MLPH: variants seen among roughly 807,000 people sequenced by gnomAD.
MLPH encodes the protein melanophilin.
In MLPH, 51 loss-of-function variants were observed where a neutral mutation model predicts 72.1. The observed-to-expected ratio is 0.71, with a 90% CI of 0.56 to 0.89. MLPH has a LOEUF of 0.89. Among genes scored for constraint, MLPH ranks in the 40% least tolerant of loss-of-function variants. The pLI, the probability that MLPH is intolerant of heterozygous loss-of-function variation, is 0.00. For missense variants in MLPH, 743 were observed against 759.9 expected, an observed-to-expected ratio of 0.98 and a Z score of 0.26; for synonymous variants, 301 against 310.1, an observed-to-expected ratio of 0.97 and a Z score of 0.31.
At chr2:237,530,252 C>A (rs1235375012) in intron 8 of MLPH, among the ~76,000 whole-genome samples, 1 of 152,212 alleles carries the variant, frequency 6.6e-6, no homozygotes, top group Non-Finnish European at 1.5e-5. Context: ...TTTTCCGAGC[C>A]CTCATTCAGC....
At chr2:237,516,458 T>C (rs981048026) in intron 4 of MLPH, among the ~76,000 whole-genome samples, 8 of 152,344 alleles carry the variant, frequency 5.3e-5, no homozygotes, top group African/African-American at 1.9e-4. Context: ...TCAGGCCTGC[T>C]GACCAGCAAA....
At chr2:237,509,583 G>A (rs1559343620) in intron 2 of MLPH, among the ~76,000 whole-genome samples, 1 of 152,222 alleles carries the variant, frequency 6.6e-6, no homozygotes, top group Non-Finnish European at 1.5e-5. Flanking sequence ...CTAAACTGTA[G>A]TCTGTGGATG....
At chr2:237,522,395 T>A (rs2080206098) in intron 6 of MLPH, among the ~76,000 whole-genome samples, 1 of 111,966 alleles carries the variant, frequency 8.9e-6, no homozygotes, top group Non-Finnish European at 1.8e-5. Flanking sequence ...TTCAAACACC[T>A]GCTACAACTA....
intron 2 of MLPH, among the ~76,000 whole-genome samples, chr2:237,507,900 T>C (rs1363952114): frequency 6.6e-6 from 1 of 152,172 alleles, no homozygotes; most frequent in African/African-American, 2.4e-5. Flanking sequence ...AAGAAAAGTT[T>C]CTAGCTCAGG....
At chr2:237,509,802 G>T (rs1301002431) in intron 2 of MLPH, among the ~76,000 whole-genome samples, 1 of 152,138 alleles carries the variant, frequency 6.6e-6, no homozygotes, top group Non-Finnish European at 1.5e-5. Context: ...CACCTTTGCT[G>T]CACTCTGGGT....
At chr2:237,545,197 G>A (rs1362577758) in intron 12 of MLPH, among the ~76,000 whole-genome samples, 1 of 68,486 alleles carries the variant, frequency 1.5e-5, no homozygotes, top group African/African-American at 7.6e-5. Flanking sequence ...GCACAGTGGT[G>A]AGTGGGGACA....
In MLPH at chr2:237,540,404, G is replaced by A; in HGVS notation, c.1161G>A (p.Arg387=). The change falls in exon 10 of 16, where the codon AGG becomes AGA. Residue 387 remains arginine, a synonymous_variant. Coordinates refer to ENST00000264605, the MANE Select transcript of MLPH (RefSeq NM_024101.7). ...ATGTAGAGGAGGAGGCCCTGAGGAG[G>A]AAGCTGGAGGAGCTGACCAGCAACG... ...EADVEEEALR[R]KLEELTSNVS... 1.9e-6 allele frequency: 3 copies of A among 1,613,630 alleles called. No homozygotes were observed. Among genetic ancestry groups the A allele is most frequent in the Non-Finnish European group, 2.5e-6 (3 of 1,179,910 alleles).
chr2:237,503,152 A>T lies in MLPH; in HGVS notation c.111-7422A>T, dbSNP rs2079687556. ...ATACATAAATAAATAATAAAAATCCATTTTTTTGATCATAAGGAATTTGAA... is the reference window on the plus strand; with the variant it reads ...ATACATAAATAAATAATAAAAATCCTTTTTTTTGATCATAAGGAATTTGAA... On this transcript the variant is annotated intron_variant, in intron 2 of 15. Transcript: ENST00000264605. Among the ~76,000 whole-genome samples the T allele has an allele frequency of 2.0e-5, 3 of 152,028 alleles. No individual in the cohort carries two copies. The South Asian group carries it at 6.2e-4, about 32-fold the overall frequency.
intron 2 of MLPH, among the ~76,000 whole-genome samples, chr2:237,494,180 AG>A (rs113171314): frequency 6.6e-6 from 1 of 151,726 alleles, no homozygotes; most frequent in African/African-American, 2.4e-5. Context: ...CTCCCGGCGA[AG>A]GGGGGGGCAG....
intron 2 of MLPH, among the ~76,000 whole-genome samples, chr2:237,497,030 G>A (rs774814283): frequency 3.3e-5 from 5 of 152,150 alleles, no homozygotes; most frequent in African/African-American, 4.8e-5. Flanking sequence ...GGGGGAGGAG[G>A]CTGGGGGCAG....
At chr2:237,546,782 A>C in intron 13 of MLPH, 99 bp downstream of exon 13, 1 of 968,406 alleles carries the variant, frequency 1.0e-6, no homozygotes, top group South Asian at 1.3e-5. Flanking sequence ...CAGAGATGCA[A>C]TGTCCTCACA....
At chr2:237,551,287 A>G (rs1203432248) in intron 14 of MLPH, among the ~76,000 whole-genome samples, 1 of 152,274 alleles carries the variant, frequency 6.6e-6, no homozygotes, top group Non-Finnish European at 1.5e-5. Flanking sequence ...ATGACCCTGC[A>G]GAGAGGGGAA....
chr2:237,497,567 G>A (rs2079560469), intron 2 of MLPH, among the ~76,000 whole-genome samples: 1 of 152,216 alleles, frequency 6.6e-6, no homozygotes, highest in Non-Finnish European at 1.5e-5. Flanking sequence ...CTCAAACCAG[G>A]TGGTGTGGAC....
At chr2:237,547,274 G>A (rs1158948468) in intron 13 of MLPH, among the ~76,000 whole-genome samples, 1 of 152,280 alleles carries the variant, frequency 6.6e-6, no homozygotes, top group African/African-American at 2.4e-5. Context: ...CGGGGGGTGT[G>A]AGCGGGACCC....
chr2:237,489,519 C>T (rs2079386188), intron 1 of MLPH, among the ~76,000 whole-genome samples: 1 of 152,142 alleles, frequency 6.6e-6, no homozygotes, highest in Non-Finnish European at 1.5e-5. Flanking sequence ...ATAGAAATAA[C>T]CATACAGGCT....
intron 8 of MLPH, among the ~76,000 whole-genome samples, chr2:237,530,530 G>A (rs76903865): frequency 0.024 from 3,671 of 152,264 alleles, 56 homozygotes; most frequent in Middle Eastern, 0.044. Flanking sequence ...GTCCTCAGCT[G>A]ACTTTTTACT....
chr2:237,554,204 T>G lies in MLPH; in HGVS notation c.*612T>G, dbSNP rs1353068217. ...ATCTGTAGACCAGGGGAAATTACAC[T>G]GCGGTCAAGGGCAGAGCCTGCACAT... is the stretch of plus-strand genomic sequence containing the variant. On this transcript the variant is annotated 3_prime_UTR_variant, in exon 16 of 16. Transcript: ENST00000264605. 9.7e-6 allele frequency: 2 copies of G among 206,854 alleles called. No individual in the cohort carries two copies. Among genetic ancestry groups the G allele is most frequent in the Admixed American group, 1.0e-4 (2 of 19,240 alleles). 12.8% of individuals were successfully genotyped at this position (206,854 alleles called of 1,614,324 possible).
rs1454682881 is a variant in MLPH, at chr2:237,540,418, T to C, written c.1175T>C (p.Leu392Pro). The part of the protein sequence containing the change: ...EEALRRKLEE[L>P]TSNVSDQETS... ...GCCCTGAGGAGGAAGCTGGAGGAGC[T>C]GACCAGCAACGTCAGTGACCAGGAG... is the stretch of plus-strand genomic sequence containing the variant. Residue 392 changes from leucine (L) to proline (P), a missense_variant, in exon 10 of 16, where the codon CTG becomes CCG. Coordinates refer to ENST00000264605, the MANE Select transcript of MLPH (RefSeq NM_024101.7). 15 of 1,613,354 alleles carry C rather than the reference T, an allele frequency of 9.3e-6. No individual in the cohort carries two copies. The highest frequency in any genetic ancestry group is 1.3e-5 in the Non-Finnish European group (15 of 1,179,876).
At chr2:237,529,391 A>T (rs902165753) in intron 8 of MLPH, among the ~76,000 whole-genome samples, 4 of 152,196 alleles carry the variant, frequency 2.6e-5, no homozygotes, top group Admixed American at 2.0e-4. Flanking sequence ...CATAATACTT[A>T]ACACCTGTTA....
Sources: gnomAD v4.1 joint callset for allele counts (sites outside exome capture counted in the v4.1 genomes callset) on GRCh38, gnomAD v4.1.1 for gene constraint, MANE v1.5 for transcripts, NCBI Gene and HGNC (gene_info 2026-07-23, HGNC 2026-07-21) for gene names.